Variants in GRM5 observed in about 807,000 individuals in gnomAD.
GRM5 encodes metabotropic glutamate receptor 5.
GRM5 carries 19 observed loss-of-function variants against 83.1 expected under a neutral mutation model. That is an observed-to-expected ratio of 0.23 (90% CI 0.16 to 0.34). The LOEUF (loss-of-function observed/expected upper bound fraction) is 0.34. GRM5 is among the 10% of genes least tolerant of loss of function. GRM5 has a pLI of 1.00. For missense variants in GRM5, 1,160 were observed against 1,588.3 expected (o/e 0.73, Z 4.58); for synonymous variants, 675 against 633.6 (o/e 1.07, Z -0.98).
intron 2 of GRM5, among the ~76,000 whole-genome samples, chr11:89,028,012 G>T (rs574179938): frequency 1.1e-4 from 17 of 152,268 alleles, no homozygotes; most frequent in African/African-American, 3.9e-4. Flanking sequence ...CATGTGAGAT[G>T]AAGTATTTCT....
intron 2 of GRM5, among the ~76,000 whole-genome samples, chr11:88,934,769 A>G (rs1211920272): frequency 6.6e-6 from 1 of 151,886 alleles, no homozygotes; most frequent in African/African-American, 2.4e-5. Flanking sequence ...CAATGGTTTT[A>G]TATTTTAAAT....
At chr11:88,521,728 T>C (rs1043698731) in intron 9 of GRM5, among the ~76,000 whole-genome samples, 1 of 151,990 alleles carries the variant, frequency 6.6e-6, no homozygotes, top group African/African-American at 2.4e-5. Context: ...AAAAAAAGCC[T>C]CTTCACATAA....
At chr11:88,698,491 T>A (rs907271163) in intron 3 of GRM5, among the ~76,000 whole-genome samples, 7 of 152,132 alleles carry the variant, frequency 4.6e-5, no homozygotes, top group African/African-American at 1.7e-4. Context: ...CATGAAACCA[T>A]ATGCTCTGTT....
intron 8 of GRM5, among the ~76,000 whole-genome samples, chr11:88,534,827 C>T (rs1265795455): frequency 1.3e-5 from 2 of 152,120 alleles, no homozygotes; most frequent in Non-Finnish European, 2.9e-5. Context: ...TGGGAGGGAC[C>T]TTGTGGGAGA....
chr11:88,653,209 C>T lies in GRM5; in HGVS notation c.1106G>A (p.Gly369Glu). The change falls in exon 4 of 10, where the codon GGG becomes GAG. Residue 369 changes from glycine to glutamate, a missense_variant. Transcript: ENST00000305447. ...WQHRFQCRLEGFPQENSKYNK... is the reference protein window; with the variant it reads ...WQHRFQCRLEEFPQENSKYNK... ...GTATTTGCTGTTCTCCTGTGGAAAC[C>T]CTTCCAGTCGGCACTGAAAACGATG... The T allele has an allele frequency of 6.2e-7, 1 of 1,612,336 alleles. No individual in the cohort carries two copies. The highest frequency in any genetic ancestry group is 8.5e-7 in the Non-Finnish European group (1 of 1,178,724).
At chr11:88,540,950 C>G (rs980415204) in intron 8 of GRM5, among the ~76,000 whole-genome samples, 2 of 151,828 alleles carry the variant, frequency 1.3e-5, no homozygotes, top group African/African-American at 4.8e-5. Context: ...TGGGGTTTCA[C>G]CATGTTAGCC....
Position 88,864,008 on chromosome 11 carries a change from G to A in GRM5, c.662-13853C>T, listed in dbSNP as rs145767033. Among the ~76,000 whole-genome samples the A allele has an allele frequency of 4.9e-3, 742 of 151,090 alleles. 7 individuals carry two copies. The highest frequency in any genetic ancestry group is 0.017 in the African/African-American group (700 of 41,174). ...ATAAAGGTGAACGTTTAATGATGTA[G>A]AATGGAAAATACTGTCATTTCTGTT... On this transcript the variant is annotated intron_variant, in intron 2 of 9. Transcript: ENST00000305447.
intron 9 of GRM5, among the ~76,000 whole-genome samples, chr11:88,521,128 C>A (rs1326094367): frequency 6.6e-6 from 1 of 152,010 alleles, no homozygotes; most frequent in African/African-American, 2.4e-5. Flanking sequence ...CATCAGAAAG[C>A]AGATTCCAGC....
intron 3 of GRM5, among the ~76,000 whole-genome samples, chr11:88,743,400 G>C (rs928684734): frequency 2.6e-5 from 4 of 152,144 alleles, no homozygotes; most frequent in Admixed American, 2.6e-4. Flanking sequence ...CATAACCTGA[G>C]TATAATGGAA....
intron 2 of GRM5, among the ~76,000 whole-genome samples, chr11:88,874,405 A>G (rs1285854313): frequency 1.3e-5 from 2 of 151,930 alleles, no homozygotes. Flanking sequence ...ATGACACTAT[A>G]ACCGTATCTC....
At chr11:88,850,311 G>A (rs1298193054) in intron 2 of GRM5, among the ~76,000 whole-genome samples, 156 bp from the exon 3 acceptor site, 1 of 152,122 alleles carries the variant, frequency 6.6e-6, no homozygotes, top group Non-Finnish European at 1.5e-5. Context: ...TTGCCGAATT[G>A]CTTATTTTGG....
rs1459241983 is a variant in GRM5, at chr11:88,522,599, C to CTG, written c.2726+2709_2726+2710insCA. Among the ~76,000 whole-genome samples the CTG allele has an allele frequency of 7.0e-4, 68 of 97,346 alleles. 1 individual carries two copies. The East Asian group carries it at 0.028, about 41-fold the overall frequency. The allele number at this position is 97,346 out of a possible 152,430, so 63.9% of individuals were successfully genotyped here. On this transcript the variant is annotated intron_variant, in intron 9 of 9. Transcript: ENST00000305447. ...TCTCTCTCTCTCTCGCTCTCTCTCT[C>CTG]TCTCTGTGTGTGTGTGTGTGTGTGT... is the stretch of plus-strand genomic sequence containing the variant.
chr11:88,647,658 C>G (rs967852950), intron 4 of GRM5, among the ~76,000 whole-genome samples: 1 of 152,092 alleles, frequency 6.6e-6, no homozygotes, highest in Non-Finnish European at 1.5e-5. Context: ...CAAATGGGAT[C>G]TAATTAAACT....
intron 7 of GRM5, among the ~76,000 whole-genome samples, chr11:88,582,319 G>A (rs1366839383): frequency 6.6e-6 from 1 of 152,148 alleles, no homozygotes; most frequent in African/African-American, 2.4e-5. Context: ...CATTTGGTGT[G>A]TGGTTTAACT....
chr11:88,955,316 G>A (rs1331782051), intron 2 of GRM5, among the ~76,000 whole-genome samples: 1 of 152,156 alleles, frequency 6.6e-6, no homozygotes, highest in East Asian at 1.9e-4. Context: ...TCACTAATGT[G>A]TATAAACAAT....
chr11:88,547,527 T>C (rs926965276), intron 8 of GRM5, among the ~76,000 whole-genome samples: 1 of 152,170 alleles, frequency 6.6e-6, no homozygotes, highest in Admixed American at 6.6e-5. Context: ...CTTCCCTATA[T>C]AAGCAACTCA....
intron 3 of GRM5, among the ~76,000 whole-genome samples, chr11:88,716,448 C>A (rs1009011088): frequency 1.3e-5 from 2 of 151,650 alleles, no homozygotes; most frequent in Non-Finnish European, 2.9e-5. Context: ...TTGAATTGGC[C>A]CCAATGAGGA....
At chr11:88,705,757 TC>T (rs1941141743) in intron 3 of GRM5, among the ~76,000 whole-genome samples, 2 of 144,294 alleles carry the variant, frequency 1.4e-5, no homozygotes, top group East Asian at 2.6e-4. Context: ...ATCTTATCTC[TC>T]CTCTATGTTT....
intron 3 of GRM5, among the ~76,000 whole-genome samples, chr11:88,809,991 G>A (rs1943562198): frequency 6.6e-6 from 1 of 151,972 alleles, no homozygotes; most frequent in South Asian, 2.1e-4. Flanking sequence ...GCCCTACTCA[G>A]GGACTTTCCT....
Sources: allele counts gnomAD v4.1 joint callset (sites outside exome capture counted in the v4.1 genomes callset), GRCh38; gene constraint gnomAD v4.1.1; transcripts MANE v1.5; gene names NCBI Gene and HGNC (gene_info 2026-07-23, HGNC 2026-07-21).